The following MERTK variants were observed in gnomAD, a reference collection of about 807,000 sequenced individuals.
MERTK encodes the protein MER proto-oncogene, tyrosine kinase, also known as tyrosine-protein kinase Mer.
MERTK carries 69 observed loss-of-function variants against 99.3 expected under a neutral mutation model. That is an observed-to-expected ratio of 0.70 (90% CI 0.57 to 0.85). The LOEUF is 0.85. Among genes scored for constraint, MERTK ranks in the 40% least tolerant of loss-of-function variants. The pLI is 0.00. For missense variants in MERTK, 1,125 were observed against 1,249.4 expected, an observed-to-expected ratio of 0.90 and a Z score of 1.50; for synonymous variants, 426 against 467.6, an observed-to-expected ratio of 0.91 and a Z score of 1.15.
chr2:111,969,563 A>T (rs932316232), intron 6 of MERTK, among the ~76,000 whole-genome samples: 3 of 152,270 alleles, frequency 2.0e-5, no homozygotes, highest in Middle Eastern at 3.4e-3. Context: ...TTTACTCGCT[A>T]GTCAAATTAA....
chr2:111,986,636 A>C (rs1573621451), intron 8 of MERTK, among the ~76,000 whole-genome samples: 1 of 152,212 alleles, frequency 6.6e-6, no homozygotes, highest in East Asian at 1.9e-4. Context: ...ACTAAATGCC[A>C]TTAGCACTCA....
rs1196928793 is a variant in MERTK, at chr2:111,947,441, A to T, written c.631A>T (p.Asn211Tyr). The T allele has an allele frequency of 6.2e-7, 1 of 1,614,134 alleles. No homozygotes were observed. Among genetic ancestry groups the T allele is most frequent in the Non-Finnish European group, 8.5e-7 (1 of 1,180,010 alleles). The change falls in exon 4 of 19, where the codon AAC becomes TAC. Residue 211 changes from asparagine (N) to tyrosine (Y), a missense_variant. Physicochemically the swap from Asn to Tyr is moderately radical, Grantham distance 143. Coordinates refer to ENST00000295408, the MANE Select transcript of MERTK (RefSeq NM_006343.3). The part of the protein sequence containing the change: ...KQPESMNVTR[N>Y]TAFNLTCQAV... ...GCCTGAGAGCATGAATGTCACCAGA[A>T]ACACAGCCTTCAACCTCACCTGTCA...
intron 2 of MERTK, among the ~76,000 whole-genome samples, chr2:111,942,015 C>T (rs554434511): frequency 5.3e-5 from 8 of 152,298 alleles, no homozygotes; most frequent in South Asian, 4.1e-4. Flanking sequence ...TCTGCACCTC[C>T]GCTTTGTACC....
intron 8 of MERTK, among the ~76,000 whole-genome samples, chr2:111,992,017 C>T (rs7571120): frequency 0.62 from 93,957 of 151,860 alleles, 29,446 homozygotes; most frequent in Middle Eastern, 0.7. Context: ...ATGTACTCCT[C>T]TGTCTCCCCA....
chr2:111,980,620 G>A (rs1277382505), intron 7 of MERTK, among the ~76,000 whole-genome samples: 5 of 151,850 alleles, frequency 3.3e-5, no homozygotes, highest in East Asian at 1.9e-4. Context: ...GGGTTTCACC[G>A]TGTTGGCCAG....
At chr2:111,982,680 G>GT (rs1490807860) in intron 7 of MERTK, among the ~76,000 whole-genome samples, 162 bp from the exon 8 acceptor site, 1 of 152,182 alleles carries the variant, frequency 6.6e-6, no homozygotes, top group Non-Finnish European at 1.5e-5. Context: ...TGATATCTCA[G>GT]TGAAAATCTT....
At chr2:111,994,614 A>G (rs937381323) in intron 9 of MERTK, 17 of 664,890 alleles carry the variant, frequency 2.6e-5, no homozygotes, top group Non-Finnish European at 3.8e-5. Context: ...TACAAAAAAT[A>G]TATGTATTTT....
chr2:111,950,883 C>A (rs2104707646), intron 4 of MERTK, among the ~76,000 whole-genome samples: 1 of 152,198 alleles, frequency 6.6e-6, no homozygotes, highest in East Asian at 1.9e-4. Flanking sequence ...CAATATTGAG[C>A]CTTCCAATCA....
At chr2:111,898,948 G>C in intron 1 of MERTK, 152 bp downstream of exon 1, 1 of 865,822 alleles carries the variant, frequency 1.2e-6, no homozygotes, top group Non-Finnish European at 1.7e-6. Flanking sequence ...AGAGGAGGGG[G>C]CGTAGGCGAA....
chr2:112,007,753 C>G (rs1346994795), intron 13 of MERTK, among the ~76,000 whole-genome samples: 1 of 151,516 alleles, frequency 6.6e-6, no homozygotes, highest in Non-Finnish European at 1.5e-5. Flanking sequence ...GCAGGACATA[C>G]AACAATAGAA....
chr2:111,978,113 T>C (rs1046634924), intron 7 of MERTK, among the ~76,000 whole-genome samples: 5 of 92,164 alleles, frequency 5.4e-5, no homozygotes, highest in African/African-American at 2.2e-4. Context: ...CCCAGCTAAT[T>C]TTTGGTTTTT....
At chr2:111,987,938 C>T (rs537480685) in intron 8 of MERTK, among the ~76,000 whole-genome samples, 1 of 151,358 alleles carries the variant, frequency 6.6e-6, no homozygotes, top group East Asian at 1.9e-4. Context: ...TCTTGGAAGT[C>T]TCATAGCAGA....
intron 2 of MERTK, among the ~76,000 whole-genome samples, 173 bp downstream of exon 2, chr2:111,929,713 C>T (rs545576536): frequency 6.8e-4 from 103 of 151,314 alleles, no homozygotes; most frequent in African/African-American, 2.1e-3. Context: ...CAGCCTCCGG[C>T]GTAGCTGGGA....
intron 6 of MERTK, among the ~76,000 whole-genome samples, chr2:111,974,769 C>CAAAAAAAAAAAAAAAAAAAAAAA (rs35594851): frequency 5.6e-5 from 3 of 53,374 alleles, no homozygotes; most frequent in Admixed American, 2.8e-4. Context: ...AGGTCCATCT[C>CAAAAAAAAAAAAAAAAAAAAAAA]AAAAAAAAAA....
intron 1 of MERTK, among the ~76,000 whole-genome samples, chr2:111,927,843 G>A (rs1041395986): frequency 3.9e-5 from 6 of 152,138 alleles, no homozygotes; most frequent in African/African-American, 1.4e-4. Flanking sequence ...GCCAGCCCTT[G>A]AGCAAGGATG....
At chr2:111,989,926 C>T (rs1350274714) in intron 8 of MERTK, among the ~76,000 whole-genome samples, 1 of 152,132 alleles carries the variant, frequency 6.6e-6, no homozygotes, top group Non-Finnish European at 1.5e-5. Context: ...AGGCTATGAA[C>T]CTGGTGTTGG....
chr2:111,938,140 G>A (rs913446866), intron 2 of MERTK, among the ~76,000 whole-genome samples: 83 of 152,080 alleles, frequency 5.5e-4, no homozygotes, highest in African/African-American at 1.9e-3. Context: ...GCAGTGGTGC[G>A]ATCACGGCTT....
At chr2:111,952,990 G>A (rs72938463) in intron 4 of MERTK, among the ~76,000 whole-genome samples, 6,716 of 152,172 alleles carry the variant, frequency 0.044, 509 homozygotes, top group African/African-American at 0.15. Flanking sequence ...AGACCAGGGG[G>A]GCTCTTGAAG....
intron 14 of MERTK, among the ~76,000 whole-genome samples, chr2:112,009,559 T>C (rs1677052394): frequency 6.6e-6 from 1 of 152,206 alleles, no homozygotes; most frequent in Non-Finnish European, 1.5e-5. Context: ...GTATTGACTT[T>C]GAGGGTTGTA....
Sources: gnomAD v4.1 joint callset for allele counts (sites outside exome capture counted in the v4.1 genomes callset) on GRCh38, gnomAD v4.1.1 for gene constraint, MANE v1.5 for transcripts, NCBI Gene and HGNC (gene_info 2026-07-23, HGNC 2026-07-21) for gene names.